The following CPD variants were observed in gnomAD, a reference collection of about 807,000 sequenced individuals.
CPD encodes metallocarboxypeptidase D.
Under a neutral mutation model 138.3 loss-of-function variants are expected in CPD, and 69 were observed. That is an observed-to-expected ratio of 0.50 (90% CI 0.41 to 0.61). The LOEUF is 0.61. Among genes scored for constraint, CPD ranks in the 20% least tolerant of loss-of-function variants. The pLI, the probability that CPD is intolerant of heterozygous loss-of-function variation, is 0.00. For missense variants in CPD, 1,432 were observed against 1,733.3 expected (o/e 0.83, Z 3.09); for synonymous variants, 651 against 642.1 (o/e 1.01, Z -0.21).
intron 6 of CPD, among the ~76,000 whole-genome samples, chr17:30,423,964 T>G (rs1912336481): frequency 6.6e-6 from 1 of 152,212 alleles, no homozygotes; most frequent in Non-Finnish European, 1.5e-5. Context: ...ATAAATTGTT[T>G]TATTTTAGCA....
At chr17:30,417,500 T>A (rs2143401668) in intron 2 of CPD, among the ~76,000 whole-genome samples, 1 of 152,288 alleles carries the variant, frequency 6.6e-6, no homozygotes, top group East Asian at 1.9e-4. Flanking sequence ...CCCTTTCTGC[T>A]CAATTACTCT....
At position 30,468,063 on chromosome 17, in the gene CPD, C is replaced by G. The variant is rs1264734092; in HGVS notation, c.*3249C>G. 1 of 152,086 alleles carries G rather than the reference C, an allele frequency of 6.6e-6. No individual in the cohort carries two copies. The highest frequency in any genetic ancestry group is 1.5e-5 in the Non-Finnish European group (1 of 67,964). 9.4% of individuals were successfully genotyped at this position (152,086 alleles called of 1,614,324 possible). A position where few individuals can be genotyped will look rare whatever the true frequency, so the allele number is the denominator to read the frequency against. ...AAAATTTTGGGGATATGATTTGGGT[C>G]TTTGATTAATGTCAGCTGAACTTGG... On this transcript the variant is annotated 3_prime_UTR_variant, in exon 21 of 21. Transcript: ENST00000225719.
chr17:30,413,426 C>T (rs1165317182), intron 2 of CPD, among the ~76,000 whole-genome samples: 1 of 152,130 alleles, frequency 6.6e-6, no homozygotes, highest in Non-Finnish European at 1.5e-5. Flanking sequence ...AGGTTAAGAC[C>T]GAGTTACTAG....
At chr17:30,391,650 C>T (rs1597706798) in intron 2 of CPD, among the ~76,000 whole-genome samples, 1 of 152,118 alleles carries the variant, frequency 6.6e-6, no homozygotes, top group African/African-American at 2.4e-5. Flanking sequence ...ACAACTCTGC[C>T]TTGACTAGCT....
intron 10 of CPD, 53 bp from the exon 11 acceptor site, chr17:30,443,749 A>G (rs1912940930): frequency 3.4e-6 from 5 of 1,488,130 alleles, no homozygotes; most frequent in Admixed American, 2.0e-5. Flanking sequence ...CTCCCAAGAT[A>G]ATTAGATGAT....
At chr17:30,450,784 A>G (rs571618080) in intron 13 of CPD, among the ~76,000 whole-genome samples, 1 of 152,302 alleles carries the variant, frequency 6.6e-6, no homozygotes, top group South Asian at 2.1e-4. Context: ...ACTTGAGCCT[A>G]GTAGGTCAAG....
chr17:30,434,785 C>T (rs1217442094), intron 8 of CPD, among the ~76,000 whole-genome samples: 1 of 151,732 alleles, frequency 6.6e-6, no homozygotes, highest in African/African-American at 2.4e-5. Context: ...CTCAGCTCCA[C>T]CCTTACCACC....
chr17:30,425,779 T>C (rs1320963785), intron 6 of CPD, among the ~76,000 whole-genome samples: 1 of 152,198 alleles, frequency 6.6e-6, no homozygotes, highest in Non-Finnish European at 1.5e-5. Context: ...TTTGTCTAAT[T>C]GGAATATTTT....
At position 30,455,485 on chromosome 17, in the gene CPD, A is replaced by T; in HGVS notation, c.3337+15A>T. On this transcript the variant is annotated intron_variant, in intron 15 of 20. Transcript: ENST00000225719. ...AGTACAGACAGGTATGTAGAATGTC[A>T]TTTTATATATATACTGTTTAAGCTT... The T allele has an allele frequency of 6.2e-7, 1 of 1,606,032 alleles. No individual in the cohort carries two copies. The highest frequency in any genetic ancestry group is 8.5e-7 in the Non-Finnish European group (1 of 1,177,970).
intron 8 of CPD, among the ~76,000 whole-genome samples, chr17:30,437,175 C>T (rs1567878476): frequency 1.3e-5 from 2 of 151,830 alleles, no homozygotes; most frequent in Admixed American, 6.6e-5. Flanking sequence ...TATAGAGTTT[C>T]TTTTTGGGGT....
At chr17:30,430,941 A>G (rs1016274105) in intron 7 of CPD, among the ~76,000 whole-genome samples, 2 of 152,112 alleles carry the variant, frequency 1.3e-5, no homozygotes, top group Non-Finnish European at 2.9e-5. Context: ...ATAGGTGTGA[A>G]CTACTGTACG....
intron 20 of CPD, 23 bp downstream of exon 20, chr17:30,462,492 T>C: frequency 1.9e-6 from 3 of 1,557,746 alleles, no homozygotes; most frequent in Non-Finnish European, 2.7e-6. Flanking sequence ...TGATTTTTAG[T>C]AGTAAAAGTT....
At chr17:30,450,029 C>T (rs577925559) in intron 13 of CPD, among the ~76,000 whole-genome samples, 24 of 151,620 alleles carry the variant, frequency 1.6e-4, no homozygotes, top group African/African-American at 5.1e-4. Flanking sequence ...GCCACACTAC[C>T]CTTCCAGTCT....
In CPD at chr17:30,390,491, T is replaced by G. The variant is rs113988411; in HGVS notation, c.994+5255T>G. Among the ~76,000 whole-genome samples the G allele has an allele frequency of 7.8e-3, 1,188 of 152,298 alleles. 17 individuals are homozygous for G. Among genetic ancestry groups the G allele is most frequent in the African/African-American group, 0.027 (1,139 of 41,548 alleles). Reference sequence around the variant, plus strand: ...ATATAATGTATTAATATAGCAAATATTTACTGAGTTCCTGCCGTGCCACAT... The same window carrying G: ...ATATAATGTATTAATATAGCAAATAGTTACTGAGTTCCTGCCGTGCCACAT... On this transcript the variant is annotated intron_variant, in intron 2 of 20. Coordinates refer to ENST00000225719, the MANE Select transcript of CPD (RefSeq NM_001304.5).
chr17:30,380,121 T>A (rs1911001825), intron 1 of CPD: 1 of 183,300 alleles, frequency 5.5e-6, no homozygotes, highest in South Asian at 1.8e-4. Flanking sequence ...CTGTGCTAAT[T>A]TTTTCTGTGA....
At chr17:30,461,440 G>T in intron 18 of CPD, 129 bp downstream of exon 18, 2 of 689,288 alleles carry the variant, frequency 2.9e-6, no homozygotes, top group South Asian at 5.6e-5. Context: ...GAAGAGTTTT[G>T]GTCATTTTAT....
intron 12 of CPD, 53 bp downstream of exon 12, chr17:30,446,073 C>A: frequency 1.6e-6 from 2 of 1,244,100 alleles, no homozygotes; most frequent in Non-Finnish European, 2.3e-6. Context: ...GTAAAATCAG[C>A]ATTAGCCATG....
At chr17:30,404,384 C>T (rs139490337) in intron 2 of CPD, among the ~76,000 whole-genome samples, 1 of 152,168 alleles carries the variant, frequency 6.6e-6, no homozygotes, top group African/African-American at 2.4e-5. Flanking sequence ...AAAATATTTG[C>T]CTTGTATATG....
intron 10 of CPD, among the ~76,000 whole-genome samples, chr17:30,442,842 TACTGTGAAATGATTA>T (rs1413869186): frequency 6.6e-6 from 1 of 152,172 alleles, no homozygotes; most frequent in Non-Finnish European, 1.5e-5. Flanking sequence ...GCCAGTGATT[TACTGTGAAATGATTA>T]ATTTCCTTTT....
Sources: allele counts gnomAD v4.1 joint callset (sites outside exome capture counted in the v4.1 genomes callset), GRCh38; gene constraint gnomAD v4.1.1; transcripts MANE v1.5; gene names NCBI Gene and HGNC (gene_info 2026-07-23, HGNC 2026-07-21).